Variants in MAMLD1 observed in about 807,000 individuals in gnomAD.
The protein encoded by MAMLD1 is mastermind-like domain-containing protein 1.
Under a neutral mutation model 45.0 loss-of-function variants are expected in MAMLD1, and 14 were observed. That is an observed-to-expected ratio of 0.31 (90% CI 0.21 to 0.49). MAMLD1 has a LOEUF of 0.49. MAMLD1 is among the 20% of genes least tolerant of loss of function. The pLI is 0.99. For missense variants in MAMLD1, 543 were observed against 603.6 expected (o/e 0.90, Z 1.05); for synonymous variants, 254 against 247.8 (o/e 1.02, Z -0.24).
intron 1 of MAMLD1, among the ~76,000 whole-genome samples, chrX:150,380,496 G>A (rs1249345291): frequency 9.0e-6 from 1 of 110,630 alleles, no homozygotes; most frequent in Non-Finnish European, 1.9e-5. Context: ...TTCAATGTTT[G>A]TTTTGTTTTG....
At chrX:150,419,535 G>A (rs1436365653) in intron 1 of MAMLD1, among the ~76,000 whole-genome samples, 5 of 107,779 alleles carry the variant, frequency 4.6e-5, no homozygotes, top group South Asian at 4.3e-4. Flanking sequence ...TCCTAGTCTC[G>A]ATGGTCTTTA....
chrX:150,367,554 G>C, intron 1 of MAMLD1, among the ~76,000 whole-genome samples: 1 of 111,705 alleles, frequency 9.0e-6, no homozygotes, highest in Admixed American at 9.4e-5. Context: ...TCAATATACA[G>C]TAAAACCTTT....
intron 5 of MAMLD1, among the ~76,000 whole-genome samples, chrX:150,496,077 G>C (rs1295539993): frequency 8.9e-6 from 1 of 112,750 alleles, no homozygotes; most frequent in Non-Finnish European, 1.9e-5. Flanking sequence ...GCATTAAACT[G>C]CTGTCTAATT....
intron 1 of MAMLD1, among the ~76,000 whole-genome samples, chrX:150,436,264 C>T (rs1261901740): frequency 9.1e-6 from 1 of 110,490 alleles, no homozygotes; most frequent in Non-Finnish European, 1.9e-5. Flanking sequence ...TGAATGCTGG[C>T]CTGTCTAGGT....
chrX:150,510,553 CACCCT>C (rs1410039323), intron 7 of MAMLD1, among the ~76,000 whole-genome samples: 1 of 112,369 alleles, frequency 8.9e-6, no homozygotes, highest in South Asian at 3.7e-4. Context: ...CAGGGGTCCC[CACCCT>C]ACCATGGCAG....
At position 150,366,750 on chromosome X, in the gene MAMLD1, C is replaced by T. The variant is rs138240006; in HGVS notation, c.-64+3220C>T. Reference sequence around the variant, plus strand: ...TGCCTGCTCCCTGCTCTGGGGGCCGCCCTGCCCTCTCCCGGTGCCTGCCTG... The same window carrying T: ...TGCCTGCTCCCTGCTCTGGGGGCCGTCCTGCCCTCTCCCGGTGCCTGCCTG... On this transcript the variant is annotated intron_variant, in intron 1 of 7. Coordinates refer to ENST00000370401, the MANE Select transcript of MAMLD1 (RefSeq NM_005491.5). 2.6e-3 allele frequency among the ~76,000 whole-genome samples: 292 copies of T among 111,497 alleles called. 2 individuals carry two copies. Among genetic ancestry groups the T allele is most frequent in the African/African-American group, 8.3e-3 (253 of 30,631 alleles).
chrX:150,409,938 A>G lies in MAMLD1; in HGVS notation c.-63-35516A>G, dbSNP rs1557402780. On this transcript the variant is annotated intron_variant, in intron 1 of 7. Coordinates refer to ENST00000370401, the MANE Select transcript of MAMLD1 (RefSeq NM_005491.5). ...AAGTAAGCTGGAGAAACTGGCTCCT[A>G]TAATTGACATAGAAATGGTATGTGG... is the stretch of plus-strand genomic sequence containing the variant. 1.3e-4 allele frequency among the ~76,000 whole-genome samples: 15 copies of G among 112,715 alleles called. No individual in the cohort carries two copies. In the East Asian group the frequency reaches 4.2e-3, roughly 31 times the overall value.
intron 5 of MAMLD1, among the ~76,000 whole-genome samples, chrX:150,501,894 C>T (rs181693787): frequency 1.1e-4 from 12 of 112,125 alleles, no homozygotes; most frequent in Admixed American, 8.5e-4. Context: ...GGCTTGGGAA[C>T]GAGGCAAGCC....
intron 2 of MAMLD1, among the ~76,000 whole-genome samples, chrX:150,449,984 T>C (rs1191629403): frequency 1.8e-5 from 2 of 111,585 alleles, no homozygotes; most frequent in Non-Finnish European, 3.8e-5. Flanking sequence ...ATGGAGACTT[T>C]CCCAATGTCA....
intron 1 of MAMLD1, among the ~76,000 whole-genome samples, chrX:150,430,988 G>A (rs2034919747): frequency 8.9e-6 from 1 of 112,042 alleles, no homozygotes; most frequent in Non-Finnish European, 1.9e-5. Flanking sequence ...AATCTTACTT[G>A]AATTTTGATA....
chrX:150,401,608 G>A (rs191594722), intron 1 of MAMLD1, among the ~76,000 whole-genome samples: 2,176 of 110,353 alleles, frequency 0.02, 35 homozygotes, highest in Middle Eastern at 0.037. Context: ...AGCCTGCATC[G>A]CCAAGTCAAT....
rs782782676 is a variant in MAMLD1 at position 150,390,619 on chromosome X, A to G, written c.-64+27089A>G. 2.7e-5 allele frequency among the ~76,000 whole-genome samples: 3 copies of G among 112,418 alleles called. No homozygotes were observed. In the South Asian group the frequency reaches 1.1e-3, roughly 41 times the overall value. On this transcript the variant is annotated intron_variant, in intron 1 of 7. Transcript: ENST00000370401. ...CCCTTCCTACTTTTAAAATGTAATT[A>G]TCTTAAATATTTCCTCTATACACAT...
At chrX:150,462,610 T>C (rs782305999) in intron 2 of MAMLD1, among the ~76,000 whole-genome samples, 162 bp from the exon 3 acceptor site, 56 of 112,276 alleles carry the variant, frequency 5.0e-4, no homozygotes, top group Non-Finnish European at 8.8e-4. Flanking sequence ...CCACAGTCTA[T>C]GTTCAAGTAA....
Position 150,422,643 on chromosome X carries a change from C to T in MAMLD1, c.-63-22811C>T, listed in dbSNP as rs781886609. On this transcript the variant is annotated intron_variant, in intron 1 of 7. Coordinates refer to ENST00000370401, the MANE Select transcript of MAMLD1 (RefSeq NM_005491.5). ...TGTTGGCCAGGCTGGTCTCGAACTC[C>T]TGACCTCAAGTGATCCACGCACCTC... is the stretch of plus-strand genomic sequence containing the variant. Among the ~76,000 whole-genome samples the T allele has an allele frequency of 2.7e-5, 3 of 111,682 alleles. No homozygotes were observed. The South Asian group carries it at 1.1e-3, about 42-fold the overall frequency.
chrX:150,479,385 T>G (rs376377653), intron 5 of MAMLD1, among the ~76,000 whole-genome samples: 21 of 112,122 alleles, frequency 1.9e-4, no homozygotes, highest in East Asian at 1.1e-3. Flanking sequence ...ACAATTTTTT[T>G]CATTGCTTAG....
At chrX:150,417,380 G>A (rs1277903779) in intron 1 of MAMLD1, among the ~76,000 whole-genome samples, 1 of 104,652 alleles carries the variant, frequency 9.6e-6, no homozygotes, top group Non-Finnish European at 2.0e-5. Context: ...TGGTGTATAT[G>A]TGCCACATTT....
chrX:150,403,860 A>AAAG, intron 1 of MAMLD1, among the ~76,000 whole-genome samples: 1 of 106,321 alleles, frequency 9.4e-6, no homozygotes, highest in African/African-American at 3.5e-5. Flanking sequence ...AGAAGGAAAG[A>AAAG]AAGAAAGAAG....
chrX:150,493,848 A>C (rs1036242173), intron 5 of MAMLD1, among the ~76,000 whole-genome samples: 1 of 112,306 alleles, frequency 8.9e-6, no homozygotes, highest in East Asian at 2.8e-4. Context: ...AAACTTGGAA[A>C]ATGCAGAAAA....
intron 1 of MAMLD1, among the ~76,000 whole-genome samples, chrX:150,397,521 T>C (rs1490206255): frequency 1.8e-5 from 2 of 111,601 alleles, no homozygotes; most frequent in Admixed American, 9.5e-5. Flanking sequence ...CCTTTCATGG[T>C]TGTTTGGGAA....
Sources: allele counts gnomAD v4.1 joint callset (sites outside exome capture counted in the v4.1 genomes callset), GRCh38; gene constraint gnomAD v4.1.1; transcripts MANE v1.5; gene names NCBI Gene and HGNC (gene_info 2026-07-23, HGNC 2026-07-21).